KCNH7: variants seen among roughly 807,000 people sequenced by gnomAD.
KCNH7 encodes the protein voltage-gated inwardly rectifying potassium channel KCNH7.
Under a neutral mutation model 120.8 loss-of-function variants are expected in KCNH7, and 49 were observed. The ratio of observed to expected loss-of-function variants is 0.41; its 90% CI spans 0.32 to 0.51. The LOEUF (loss-of-function observed/expected upper bound fraction) is 0.51, where lower values mean the gene tolerates loss of function less well. Among genes scored for constraint, KCNH7 ranks in the 20% least tolerant of loss-of-function variants. The probability of loss-of-function intolerance (pLI) is 0.38; values close to 1 mark genes in which losing one functional copy is unlikely to be tolerated. For synonymous variants in KCNH7, 547 were observed against 516.1 expected (o/e 1.06, Z -0.81); for missense variants, 1,097 against 1,446.6 (o/e 0.76, Z 3.92).
intron 2 of KCNH7, chr2:162,795,952 G>T (rs1196371135): frequency 6.6e-6 from 1 of 152,026 alleles, no homozygotes; most frequent in Non-Finnish European, 1.5e-5. Flanking sequence ...AGTAAACAAA[G>T]AAGACCACAG....
intron 3 of KCNH7, among the ~76,000 whole-genome samples, chr2:162,536,209 A>C (rs1227535208): frequency 1.3e-5 from 2 of 151,948 alleles, no homozygotes; most frequent in African/African-American, 4.8e-5. Flanking sequence ...AAAAGATAAA[A>C]GACGCATTAT....
intron 2 of KCNH7, among the ~76,000 whole-genome samples, chr2:162,707,102 C>T (rs1252619098): frequency 6.6e-6 from 1 of 151,990 alleles, no homozygotes; most frequent in East Asian, 1.9e-4. Flanking sequence ...ATCATTTATT[C>T]TCTGTGGATT....
intron 2 of KCNH7, among the ~76,000 whole-genome samples, chr2:162,590,817 C>T (rs1227288178): frequency 6.6e-6 from 1 of 152,084 alleles, no homozygotes; most frequent in African/African-American, 2.4e-5. Flanking sequence ...TAACCTATTT[C>T]CACGCACATC....
intron 12 of KCNH7, among the ~76,000 whole-genome samples, chr2:162,389,532 G>A (rs548972801): frequency 1.1e-4 from 16 of 152,150 alleles, no homozygotes; most frequent in Admixed American, 5.2e-4. Context: ...CTTCTGCAGA[G>A]TTCTGATGAG....
intron 2 of KCNH7, among the ~76,000 whole-genome samples, 181 bp from the exon 3 acceptor site, chr2:162,537,261 T>A (rs550574233): frequency 3.5e-4 from 53 of 152,194 alleles, no homozygotes; most frequent in Non-Finnish European, 5.7e-4. Context: ...TTAAAATACA[T>A]ATGTCTTTCC....
At chr2:162,452,168 GGAGA>G in intron 6 of KCNH7, among the ~76,000 whole-genome samples, 1 of 152,112 alleles carries the variant, frequency 6.6e-6, no homozygotes, top group South Asian at 2.1e-4. Flanking sequence ...GGGAGAAGAA[GGAGA>G]GAGAAGGTCT....
At chr2:162,597,326 GTA>G (rs1298091363) in intron 2 of KCNH7, among the ~76,000 whole-genome samples, 2 of 151,908 alleles carry the variant, frequency 1.3e-5, no homozygotes, top group Non-Finnish European at 2.9e-5. Context: ...TAAAAACGTG[GTA>G]TATACACACA....
intron 2 of KCNH7, among the ~76,000 whole-genome samples, chr2:162,590,518 A>G (rs1168621056): frequency 6.6e-6 from 1 of 152,158 alleles, no homozygotes; most frequent in African/African-American, 2.4e-5. Context: ...AGAGCATATC[A>G]CAGGGGACCT....
At chr2:162,838,317 C>G in intron 1 of KCNH7, 126 bp downstream of exon 1, 1 of 698,626 alleles carries the variant, frequency 1.4e-6, no homozygotes, top group Non-Finnish European at 2.5e-6. Context: ...CCTCCTGGCT[C>G]GGTTTCACAG....
intron 2 of KCNH7, among the ~76,000 whole-genome samples, chr2:162,825,338 A>G (rs1273170435): frequency 6.6e-6 from 1 of 151,990 alleles, no homozygotes; most frequent in African/African-American, 2.4e-5. Context: ...GTGTTTTTCA[A>G]TAAAATTTGA....
At chr2:162,495,983 C>G (rs1223008144) in intron 6 of KCNH7, among the ~76,000 whole-genome samples, 1 of 152,102 alleles carries the variant, frequency 6.6e-6, no homozygotes, top group African/African-American at 2.4e-5. Context: ...GTCCTTACTC[C>G]CTTGATTCAT....
intron 12 of KCNH7, among the ~76,000 whole-genome samples, chr2:162,391,770 C>T (rs1686752123): frequency 6.6e-6 from 1 of 152,008 alleles, no homozygotes; most frequent in Non-Finnish European, 1.5e-5. Flanking sequence ...AAATCTTCAA[C>T]TATGTGGAAG....
At chr2:162,701,463 G>C (rs991770684) in intron 2 of KCNH7, among the ~76,000 whole-genome samples, 1 of 152,024 alleles carries the variant, frequency 6.6e-6, no homozygotes, top group African/African-American at 2.4e-5. Flanking sequence ...CATTTATATA[G>C]TATTTCTCTC....
intron 10 of KCNH7, among the ~76,000 whole-genome samples, chr2:162,399,377 ATTT>A (rs1687007186): frequency 6.6e-6 from 1 of 151,266 alleles, no homozygotes; most frequent in Non-Finnish European, 1.5e-5. Context: ...AGTTTTTAAA[ATTT>A]TTTTATTATA....
chr2:162,676,393 AG>A (rs1359264566), intron 2 of KCNH7, among the ~76,000 whole-genome samples: 1 of 151,606 alleles, frequency 6.6e-6, no homozygotes, highest in East Asian at 1.9e-4. Context: ...AAACAGGTAT[AG>A]TTCATGTTCT....
chr2:162,458,235 G>A (rs1689037374), intron 6 of KCNH7, among the ~76,000 whole-genome samples: 1 of 151,942 alleles, frequency 6.6e-6, no homozygotes, highest in African/African-American at 2.4e-5. Flanking sequence ...ATGCTAATAT[G>A]AAAAATATCT....
rs377324054 is a variant in KCNH7, at chr2:162,619,283, T to C, written c.308-82203A>G. Among the ~76,000 whole-genome samples the C allele has an allele frequency of 2.2e-3, 333 of 151,878 alleles. 2 individuals carry two copies. Among genetic ancestry groups the C allele is most frequent in the African/African-American group, 7.6e-3 (316 of 41,464 alleles). On this transcript the variant is annotated intron_variant, in intron 2 of 15. Coordinates refer to ENST00000332142, the MANE Select transcript of KCNH7 (RefSeq NM_033272.4). Reference sequence around the variant, plus strand: ...AGGCTTGAATAGATACTAAGAGAGGTGAGTACAAGATCAGAAAATATCAAA... The same window carrying C: ...AGGCTTGAATAGATACTAAGAGAGGCGAGTACAAGATCAGAAAATATCAAA...
intron 4 of KCNH7, among the ~76,000 whole-genome samples, chr2:162,515,809 C>T (rs1436567546): frequency 6.6e-6 from 1 of 151,668 alleles, no homozygotes; most frequent in African/African-American, 2.4e-5. Context: ...CCTTCTTTGG[C>T]CCACAGATTA....
chr2:162,539,186 A>G (rs1298894979), intron 2 of KCNH7, among the ~76,000 whole-genome samples: 2 of 152,150 alleles, frequency 1.3e-5, no homozygotes, highest in African/African-American at 4.8e-5. Context: ...AACTAAAAAT[A>G]GAAGTGCTTC....
Sources: allele counts gnomAD v4.1 joint callset (sites outside exome capture counted in the v4.1 genomes callset), GRCh38; gene constraint gnomAD v4.1.1; transcripts MANE v1.5; gene names NCBI Gene and HGNC (gene_info 2026-07-23, HGNC 2026-07-21).